Variants in ZNF184 observed in about 807,000 individuals in gnomAD.
ZNF184 encodes zinc finger protein 184.
In ZNF184, 16 loss-of-function variants were observed where a neutral mutation model predicts 54.4. The ratio of observed to expected loss-of-function variants is 0.29; its 90% confidence interval spans 0.20 to 0.45. ZNF184 has a LOEUF of 0.45. Ranked by LOEUF, ZNF184 falls within the 20% of genes least tolerant of loss-of-function variation. ZNF184 has a pLI of 1.00. For synonymous variants in ZNF184, 254 were observed against 295.3 expected, an observed-to-expected ratio of 0.86 and a Z score of 1.43; for missense variants, 681 against 888.2, an observed-to-expected ratio of 0.77 and a Z score of 2.97.
chr6:27,438,009 C>T, the ZNF184 span, among the ~76,000 whole-genome samples: 1 of 152,206 alleles, frequency 6.6e-6, no homozygotes, highest in Non-Finnish European at 1.5e-5. Context: ...TATAAGACTA[C>T]AAACTCTTTG....
chr6:27,469,438 A>T lies in ZNF184; in HGVS notation c.8-1518T>A, dbSNP rs6938689. Among the ~76,000 whole-genome samples the T allele has an allele frequency of 2.6e-4, 40 of 151,450 alleles. 1 individual carries two copies. Among genetic ancestry groups the T allele is most frequent in the Non-Finnish European group, 1.0e-4 (7 of 67,788 alleles). ...CGGGCGGATCACAAGGTCAGGAGTT[A>T]GAGACCAGCCTGACCAACATGGTGA... is the stretch of plus-strand genomic sequence containing the variant. On this transcript the variant is annotated intron_variant, in intron 2 of 5. Transcript: ENST00000683788.
At chr6:27,423,619 A>C in the ZNF184 span, among the ~76,000 whole-genome samples, 1 of 138,900 alleles carries the variant, frequency 7.2e-6, no homozygotes, top group South Asian at 2.6e-4. Flanking sequence ...CCTGAAAAGC[A>C]TAAAGGGATG....
chr6:27,411,183 A>T, the ZNF184 span, among the ~76,000 whole-genome samples: 1 of 152,136 alleles, frequency 6.6e-6, no homozygotes, highest in Non-Finnish European at 1.5e-5. Context: ...GACAAATGCT[A>T]TATGGCCTCA....
At chr6:27,423,418 C>G in the ZNF184 span, among the ~76,000 whole-genome samples, 1 of 152,094 alleles carries the variant, frequency 6.6e-6, no homozygotes, top group Non-Finnish European at 1.5e-5. Context: ...CATGTATTTT[C>G]CAAGCCTATT....
the ZNF184 span, among the ~76,000 whole-genome samples, chr6:27,412,265 T>C: frequency 2.5e-4 from 38 of 152,094 alleles, 1 homozygote; most frequent in African/African-American, 8.9e-4. Flanking sequence ...TTGGTAGGAG[T>C]TGCCCCAGGC....
the ZNF184 span, among the ~76,000 whole-genome samples, chr6:27,435,024 G>GTT: frequency 2.0e-5 from 3 of 152,050 alleles, no homozygotes; most frequent in Admixed American, 2.0e-4. Flanking sequence ...CTATATATCT[G>GTT]TTTTTATGTC....
chr6:27,405,606 T>TAG, the ZNF184 span: 2 of 152,266 alleles, frequency 1.3e-5, 1 homozygote, highest in South Asian at 4.1e-4. Flanking sequence ...GACTTATACT[T>TAG]AGCGTACTCC....
At chr6:27,457,683 C>T (rs776049408) in intron 3 of ZNF184, among the ~76,000 whole-genome samples, 1 of 152,176 alleles carries the variant, frequency 6.6e-6, no homozygotes, top group Non-Finnish European at 1.5e-5. Context: ...TCATCGTCAT[C>T]ATTACCATCA....
chr6:27,417,426 T>G, the ZNF184 span, among the ~76,000 whole-genome samples: 1 of 152,060 alleles, frequency 6.6e-6, no homozygotes, highest in Non-Finnish European at 1.5e-5. Flanking sequence ...CCAGGGATGT[T>G]GGACTTTTAT....
chr6:27,427,116 T>TAAAAAAAAA, the ZNF184 span, among the ~76,000 whole-genome samples: 5 of 106,868 alleles, frequency 4.7e-5, no homozygotes, highest in Admixed American at 2.1e-4. Context: ...ACACTCTATG[T>TAAAAAAAAA]AAAAAAAAAA....
chr6:27,451,258 A>G lies in ZNF184; in HGVS notation c.*45T>C, dbSNP rs1762708441. Reference sequence around the variant, plus strand: ...TCTTCAGTACTTAACAAAAGGACAAACTAAAGTAAATATCTCCCCTAAATT... The same window carrying G: ...TCTTCAGTACTTAACAAAAGGACAAGCTAAAGTAAATATCTCCCCTAAATT... On this transcript the variant is annotated 3_prime_UTR_variant, in exon 6 of 6. Coordinates refer to ENST00000683788, the MANE Select transcript of ZNF184 (RefSeq NM_001318891.2). 1.3e-6 allele frequency: 2 copies of G among 1,526,456 alleles called. No individual in the cohort carries two copies. Among genetic ancestry groups the G allele is most frequent in the Non-Finnish European group, 1.8e-6 (2 of 1,139,712 alleles). The allele number at this position is 1,526,456 out of a possible 1,614,324, so 94.6% of individuals were successfully genotyped here.
At chr6:27,458,295 T>TGAAAAAA (rs1762911781) in intron 3 of ZNF184, among the ~76,000 whole-genome samples, 1 of 62,366 alleles carries the variant, frequency 1.6e-5, no homozygotes, top group Non-Finnish European at 2.9e-5. Context: ...TTCTGCACAG[T>TGAAAAAA]AAAAAAAAAA....
the ZNF184 span, among the ~76,000 whole-genome samples, chr6:27,416,847 T>G: frequency 6.6e-6 from 1 of 152,234 alleles, no homozygotes; most frequent in African/African-American, 2.4e-5. Flanking sequence ...AGCATCCTAT[T>G]GCAGTAGGGT....
At chr6:27,467,479 C>T (rs553366908) in intron 3 of ZNF184, among the ~76,000 whole-genome samples, 1 of 152,228 alleles carries the variant, frequency 6.6e-6, no homozygotes, top group South Asian at 2.1e-4. Context: ...CCTGTAGTCC[C>T]AGCTACTCGG....
Position 27,452,860 on chromosome 6 carries a change from A to G in ZNF184, c.699T>C (p.Tyr233=), listed in dbSNP as rs1762767159. Residue 233 remains tyrosine (Y), a synonymous_variant, in exon 6 of 6, where the codon TAT becomes TAC. Transcript: ENST00000683788. This position sits in a 1 kb window ranked among gnomAD's most constrained non-coding sequence, Gnocchi z 5.5. The part of the protein sequence containing the change: ...KCNECGKAFS[Y]CSALIRHQRT... ...TCTGATGGCGAATAAGAGCTGAACA[A>G]TAACTAAAGGCTTTCCCACATTCAT... 1.2e-6 allele frequency: 2 copies of G among 1,613,620 alleles called. No individual in the cohort carries two copies. Among genetic ancestry groups the G allele is most frequent in the African/African-American group, 1.3e-5 (1 of 74,766 alleles).
At chr6:27,413,907 C>T in the ZNF184 span, among the ~76,000 whole-genome samples, 1 of 152,140 alleles carries the variant, frequency 6.6e-6, no homozygotes, top group African/African-American at 2.4e-5. Context: ...AGTAGAACTG[C>T]ATTAGCTGAA....
At chr6:27,426,174 ATC>A in the ZNF184 span, among the ~76,000 whole-genome samples, 4 of 152,150 alleles carry the variant, frequency 2.6e-5, no homozygotes, top group South Asian at 2.1e-4. The surrounding 1 kb of genome is among the most constrained non-coding windows in gnomAD (Gnocchi z 4.2). Flanking sequence ...CTTCCACTCT[ATC>A]TCATGTCTCA....
the ZNF184 span, chr6:27,406,826 G>A: frequency 1.3e-5 from 2 of 152,390 alleles, no homozygotes; most frequent in East Asian, 1.9e-4. Flanking sequence ...CTGTAACGGA[G>A]GTTCTTCCTC....
the ZNF184 span, among the ~76,000 whole-genome samples, chr6:27,412,087 A>C: frequency 6.6e-6 from 1 of 152,194 alleles, no homozygotes; most frequent in African/African-American, 2.4e-5. Flanking sequence ...GGCAACTGCC[A>C]CAAACTCCAT....
Sources: gnomAD v4.1 joint callset for allele counts (sites outside exome capture counted in the v4.1 genomes callset) on GRCh38, gnomAD v4.1.1 for gene constraint, Gnocchi (gnomAD v3.1) non-coding constraint, MANE v1.5 for transcripts, NCBI Gene and HGNC (gene_info 2026-07-23, HGNC 2026-07-21) for gene names.